SLC25A31: variants seen among roughly 807,000 people sequenced by gnomAD.
SLC25A31 encodes the protein solute carrier family 25 member 31.
SLC25A31 carries 40 observed loss-of-function variants against 36.2 expected under a neutral mutation model. The ratio of observed to expected loss-of-function variants is 1.10; its 90% CI spans 0.86 to 1.44. The LOEUF is 1.44. Ranked by LOEUF, SLC25A31 falls within the 40% of genes most tolerant of loss-of-function variation. SLC25A31 has a pLI of 0.00. For synonymous variants in SLC25A31, 143 were observed against 149.7 expected (o/e 0.96, Z 0.32); for missense variants, 350 against 397.1 (o/e 0.88, Z 1.01).
At chr4:127,737,905 A>G (rs770134087) in intron 1 of SLC25A31, among the ~76,000 whole-genome samples, 54 of 152,118 alleles carry the variant, frequency 3.5e-4, no homozygotes, top group Non-Finnish European at 1.3e-4. Context: ...CAGCAATATA[A>G]TCATAATTAC....
chr4:127,731,870 A>G (rs192813403), intron 1 of SLC25A31, among the ~76,000 whole-genome samples: 2 of 152,232 alleles, frequency 1.3e-5, no homozygotes, highest in East Asian at 3.9e-4. Context: ...AAAAGAATTC[A>G]TAACAAACAC....
intron 2 of SLC25A31, among the ~76,000 whole-genome samples, chr4:127,750,759 CA>C (rs75329434): frequency 1.5e-4 from 21 of 143,954 alleles, no homozygotes; most frequent in South Asian, 4.4e-4. Context: ...CTAGTAAATA[CA>C]AAAAAAAAGA....
intron 4 of SLC25A31, among the ~76,000 whole-genome samples, chr4:127,768,322 T>G (rs564543177): frequency 6.0e-4 from 92 of 152,106 alleles, no homozygotes; most frequent in African/African-American, 2.0e-3. Context: ...GTACTCTGTC[T>G]CTAGTTTGTT....
chr4:127,758,971 A>G (rs933286999), intron 2 of SLC25A31, among the ~76,000 whole-genome samples: 10 of 152,154 alleles, frequency 6.6e-5, no homozygotes, highest in African/African-American at 1.9e-4. Context: ...TTTTGGTTCC[A>G]TATGAATTTT....
intron 2 of SLC25A31, among the ~76,000 whole-genome samples, chr4:127,752,997 T>A (rs1731965311): frequency 6.6e-6 from 1 of 152,188 alleles, no homozygotes; most frequent in Non-Finnish European, 1.5e-5. Flanking sequence ...TGAAATCATG[T>A]CAAGTTATCT....
At chr4:127,740,341 T>C (rs938763119) in intron 1 of SLC25A31, among the ~76,000 whole-genome samples, 7 of 152,152 alleles carry the variant, frequency 4.6e-5, no homozygotes, top group African/African-American at 1.7e-4. Flanking sequence ...CTTTGCTCTA[T>C]AACCCTTGGG....
intron 2 of SLC25A31, among the ~76,000 whole-genome samples, chr4:127,745,866 T>A (rs947361510): frequency 6.6e-6 from 1 of 152,142 alleles, no homozygotes; most frequent in African/African-American, 2.4e-5. Flanking sequence ...GGTAATCTCG[T>A]GTCACAGGGG....
At chr4:127,747,187 A>T (rs1731841838) in intron 2 of SLC25A31, among the ~76,000 whole-genome samples, 3 of 152,054 alleles carry the variant, frequency 2.0e-5, no homozygotes, top group African/African-American at 4.8e-5. Flanking sequence ...CCAGTTCTAT[A>T]GTTTGAAGTT....
At chr4:127,763,723 A>G (rs1732185392) in intron 2 of SLC25A31, among the ~76,000 whole-genome samples, 3 of 152,196 alleles carry the variant, frequency 2.0e-5, no homozygotes, top group African/African-American at 7.2e-5. Flanking sequence ...TTCAAATTTA[A>G]TTCTATTTAA....
At chr4:127,737,869 T>C (rs922731397) in intron 1 of SLC25A31, among the ~76,000 whole-genome samples, 3 of 152,090 alleles carry the variant, frequency 2.0e-5, no homozygotes, top group East Asian at 1.9e-4. Flanking sequence ...TGTGCTATTA[T>C]GTATTATACT....
At chr4:127,761,325 T>G (rs1732125199) in intron 2 of SLC25A31, among the ~76,000 whole-genome samples, 1 of 152,230 alleles carries the variant, frequency 6.6e-6, no homozygotes, top group Non-Finnish European at 1.5e-5. Flanking sequence ...AAAAAAAGAT[T>G]AAGTAGAACT....
In SLC25A31 at chr4:127,730,652, C is replaced by T. The variant is rs1731501478; in HGVS notation, c.107C>T (p.Thr36Ile). ...GGAGTCGCGGCAGCTGTGTCCAAGA[C>T]AGCGGTGGCGCCCATCGAGCGGGTG... ...AGGVAAAVSKTAVAPIERVKL... is the reference protein window; with the variant it reads ...AGGVAAAVSKIAVAPIERVKL... The change falls in exon 1 of 6, where the codon ACA (threonine) becomes ATA (isoleucine). Residue 36 changes from threonine to isoleucine, a missense_variant. By Grantham distance (89) the Thr-to-Ile change is moderately conservative. Coordinates refer to ENST00000281154, the MANE Select transcript of SLC25A31 (RefSeq NM_031291.4). The T allele has an allele frequency of 3.1e-6, 5 of 1,613,906 alleles. No individual in the cohort carries two copies. The highest frequency in any genetic ancestry group is 3.4e-6 in the Non-Finnish European group (4 of 1,179,950).
chr4:127,730,402 C>G lies in SLC25A31; in HGVS notation c.-144C>G, dbSNP rs541707511. 7.7e-5 allele frequency: 67 copies of G among 874,464 alleles called. 4 individuals are homozygous for G. In the South Asian group the frequency reaches 8.8e-4, roughly 12 times the overall value. The allele number at this position is 874,464 out of a possible 1,614,324, so 54.2% of individuals were successfully genotyped here. On this transcript the variant is annotated 5_prime_UTR_variant, in exon 1 of 6. Transcript: ENST00000281154. ...CGCAGCTTTTCCGCACGCGCCTCGCCGGCGCGCGGCTCTCTCAGCGTCCCA... is the reference window on the plus strand; with the variant it reads ...CGCAGCTTTTCCGCACGCGCCTCGCGGGCGCGCGGCTCTCTCAGCGTCCCA...
chr4:127,763,249 G>A (rs1431260916), intron 2 of SLC25A31, among the ~76,000 whole-genome samples: 6 of 152,196 alleles, frequency 3.9e-5, no homozygotes, highest in Non-Finnish European at 8.8e-5. Flanking sequence ...TTTCATGAAA[G>A]AAGTAGAACT....
intron 2 of SLC25A31, among the ~76,000 whole-genome samples, chr4:127,751,974 C>G (rs997577190): frequency 3.3e-5 from 5 of 152,144 alleles, no homozygotes; most frequent in Admixed American, 3.3e-4. Context: ...GTTGGTGGGA[C>G]TGTAAACTAG....
chr4:127,764,092 A>G (rs1732193070), intron 2 of SLC25A31, 151 bp from the exon 3 acceptor site: 4 of 596,312 alleles, frequency 6.7e-6, no homozygotes, highest in Non-Finnish European at 1.1e-5. Context: ...AATATTTTGG[A>G]TAGCATGGTA....
intron 2 of SLC25A31, among the ~76,000 whole-genome samples, chr4:127,749,576 T>C (rs1445552750): frequency 3.3e-5 from 5 of 151,964 alleles, no homozygotes; most frequent in African/African-American, 1.2e-4. Flanking sequence ...AAACTTTATC[T>C]CTACTAAAAA....
chr4:127,742,709 T>C (rs1731754660), intron 1 of SLC25A31, among the ~76,000 whole-genome samples: 1 of 152,242 alleles, frequency 6.6e-6, no homozygotes, highest in African/African-American at 2.4e-5. Flanking sequence ...TTGTTCTTTC[T>C]CTAGCTCCTT....
Position 127,730,700 on chromosome 4 carries a change from C to G in SLC25A31, c.155C>G (p.Ala52Gly). ...GTGAAGCTGCTGCTGCAGGTGCAGG[C>G]GTCGTCGAAGCAGATCAGCCCCGAG... ...ERVKLLLQVQ[A>G]SSKQISPEAR... Residue 52 changes from alanine to glycine, a missense_variant, in exon 1 of 6, where the codon GCG (alanine) becomes GGG (glycine). Coordinates refer to ENST00000281154, the MANE Select transcript of SLC25A31 (RefSeq NM_031291.4). 1 of 1,613,858 alleles carries G rather than the reference C, an allele frequency of 6.2e-7. No individual in the cohort carries two copies.
Sources: gnomAD v4.1 joint callset for allele counts (sites outside exome capture counted in the v4.1 genomes callset) on GRCh38, gnomAD v4.1.1 for gene constraint, MANE v1.5 for transcripts, NCBI Gene and HGNC (gene_info 2026-07-23, HGNC 2026-07-21) for gene names.